TTC28: variants seen among roughly 807,000 people sequenced by gnomAD.
TTC28 encodes the protein tetratricopeptide repeat domain 28.
A neutral mutation model predicts 198.0 loss-of-function variants in TTC28; 61 were observed. The observed-to-expected ratio is 0.31, with a 90% CI of 0.25 to 0.38. The LOEUF (loss-of-function observed/expected upper bound fraction) is 0.38, where lower values mean the gene tolerates loss of function less well. Ranked by LOEUF, TTC28 falls within the 10% of genes least tolerant of loss-of-function variation. TTC28 has a pLI of 1.00. For synonymous variants in TTC28, 1,171 were observed against 1,297.8 expected, an observed-to-expected ratio of 0.90 and a Z score of 2.10; for missense variants, 2,678 against 3,164.0, an observed-to-expected ratio of 0.85 and a Z score of 3.69.
At chr22:28,394,728 C>T (rs945363640) in intron 2 of TTC28, among the ~76,000 whole-genome samples, 2 of 152,174 alleles carry the variant, frequency 1.3e-5, no homozygotes, top group African/African-American at 4.8e-5. Context: ...GGCTACTGCC[C>T]AGTCTCCATA....
At chr22:28,168,180 C>T (rs980965603) in intron 5 of TTC28, among the ~76,000 whole-genome samples, 1 of 152,030 alleles carries the variant, frequency 6.6e-6, no homozygotes, top group Non-Finnish European at 1.5e-5. Flanking sequence ...GAGGGCACAA[C>T]CAAATGCAAG....
intron 1 of TTC28, among the ~76,000 whole-genome samples, chr22:28,633,694 A>C (rs1306776153): frequency 6.6e-6 from 1 of 152,230 alleles, no homozygotes; most frequent in African/African-American, 2.4e-5. Context: ...TCAAATTAAG[A>C]AGAGAAATCA....
intron 12 of TTC28, among the ~76,000 whole-genome samples, chr22:28,038,944 G>A (rs1223955601): frequency 1.3e-5 from 2 of 152,196 alleles, no homozygotes; most frequent in East Asian, 1.9e-4. Context: ...GGCCATCAGA[G>A]AAATGCAAAT....
Position 28,629,007 on chromosome 22 carries a change from T to C in TTC28, c.381+545A>G, listed in dbSNP as rs561334038. Among the ~76,000 whole-genome samples, 6 of 150,600 alleles carry C rather than the reference T, an allele frequency of 4.0e-5. No individual in the cohort carries two copies. The South Asian group carries it at 1.3e-3, about 32-fold the overall frequency. On this transcript the variant is annotated intron_variant, in intron 2 of 22. Transcript: ENST00000397906. ...AATTGTTTCTAAAAGAAACTAGGGG[T>C]TAGGTTAGGAGTATGCACACTGAAA...
At chr22:28,103,434 T>C (rs541161750) in intron 8 of TTC28, among the ~76,000 whole-genome samples, 2 of 152,290 alleles carry the variant, frequency 1.3e-5, no homozygotes, top group African/African-American at 4.8e-5. Context: ...GATGCTGATC[T>C]ACAAGGCCCC....
intron 1 of TTC28, among the ~76,000 whole-genome samples, chr22:28,639,045 T>G (rs2051319662): frequency 6.6e-6 from 1 of 152,218 alleles, no homozygotes; most frequent in South Asian, 2.1e-4. Context: ...CTAGAAATTT[T>G]CTCCACTTCT....
In TTC28 at chr22:27,982,404, A is replaced by T; in HGVS notation, c.7263T>A (p.His2421Gln). Reference protein sequence around the residue: ...LELKELSLQQHDGAPPKAPPN... With the variant: ...LELKELSLQQQDGAPPKAPPN... ...GAGGGGCTTTCGGTGGAGCTCCGTC[A>T]TGCTGCTGCAGGGACAGCTCCTTCA... The change falls in exon 23 of 23, where the codon CAT becomes CAA. Residue 2421 changes from histidine to glutamine, a missense_variant. Transcript: ENST00000397906. The surrounding 1 kb of genome is among the most constrained non-coding windows in gnomAD (Gnocchi z 5.2). The T allele has an allele frequency of 6.4e-7, 1 of 1,551,364 alleles. No individual in the cohort carries two copies. The highest frequency in any genetic ancestry group is 8.7e-7 in the Non-Finnish European group (1 of 1,146,934).
chr22:28,506,860 AAAC>A (rs1374048622), intron 2 of TTC28, among the ~76,000 whole-genome samples: 1 of 152,226 alleles, frequency 6.6e-6, no homozygotes, highest in African/African-American at 2.4e-5. Context: ...AACAAACAGA[AAAC>A]AACAACATCA....
intron 2 of TTC28, among the ~76,000 whole-genome samples, chr22:28,401,569 C>T (rs146400906): frequency 8.6e-5 from 13 of 152,030 alleles, no homozygotes; most frequent in African/African-American, 3.1e-4. Flanking sequence ...GAGCTGAGAT[C>T]GCACCACTGT....
chr22:28,089,540 G>C (rs1162496297), intron 12 of TTC28, among the ~76,000 whole-genome samples: 1 of 151,364 alleles, frequency 6.6e-6, no homozygotes. Context: ...GGGAGGGATA[G>C]CATTAGGAGA....
chr22:28,034,014 C>T (rs561307610), intron 12 of TTC28, among the ~76,000 whole-genome samples: 1 of 152,130 alleles, frequency 6.6e-6, no homozygotes, highest in Admixed American at 6.5e-5. Context: ...GCAGGGGAGA[C>T]AGCAAGAAAA....
intron 2 of TTC28, among the ~76,000 whole-genome samples, chr22:28,472,552 A>ATG (rs3053555): frequency 0.088 from 10,036 of 114,642 alleles, 476 homozygotes; most frequent in East Asian, 0.15. Context: ...GAAAATGTGT[A>ATG]TGTGTGTGTG....
chr22:28,325,881 CTT>C (rs900754163), intron 2 of TTC28, among the ~76,000 whole-genome samples: 1 of 152,076 alleles, frequency 6.6e-6, no homozygotes, highest in Non-Finnish European at 1.5e-5. Context: ...ACCTGAAACT[CTT>C]ATATATTGCT....
chr22:28,296,443 C>T (rs1434659424), intron 4 of TTC28, 115 bp from the exon 5 acceptor site: 10 of 944,074 alleles, frequency 1.1e-5, no homozygotes, highest in South Asian at 9.4e-5. Flanking sequence ...TAAGATTTCA[C>T]TTATCTTCTA....
intron 2 of TTC28, among the ~76,000 whole-genome samples, chr22:28,464,640 ATCT>A (rs1349247119): frequency 2.6e-5 from 4 of 152,200 alleles, no homozygotes; most frequent in African/African-American, 4.8e-5. Context: ...TAAGAGCTGA[ATCT>A]TCTTTAGAAC....
intron 5 of TTC28, among the ~76,000 whole-genome samples, chr22:28,244,906 C>T (rs1173425140): frequency 6.6e-6 from 1 of 152,208 alleles, no homozygotes; most frequent in African/African-American, 2.4e-5. Context: ...AGTGATCTAG[C>T]TGGCCATCCA....
chr22:28,336,567 G>T (rs886833397), intron 2 of TTC28, among the ~76,000 whole-genome samples: 1 of 152,080 alleles, frequency 6.6e-6, no homozygotes, highest in East Asian at 1.9e-4. Context: ...TTAGTCTTGG[G>T]AGGGTGTATG....
chr22:28,590,362 C>T (rs1480345533), intron 2 of TTC28, among the ~76,000 whole-genome samples: 2 of 151,956 alleles, frequency 1.3e-5, no homozygotes, highest in Non-Finnish European at 2.9e-5. Context: ...ATCTCCTGAC[C>T]TTGTGATCCG....
At chr22:28,294,041 G>A (rs934797013) in intron 5 of TTC28, among the ~76,000 whole-genome samples, 2 of 152,110 alleles carry the variant, frequency 1.3e-5, no homozygotes, top group African/African-American at 4.8e-5. Context: ...GTGGTAGCTG[G>A]ACATACTCTC....
Sources: allele counts gnomAD v4.1 joint callset (sites outside exome capture counted in the v4.1 genomes callset), GRCh38; gene constraint gnomAD v4.1.1; non-coding constraint Gnocchi (gnomAD v3.1); transcripts MANE v1.5; gene names NCBI Gene and HGNC (gene_info 2026-07-23, HGNC 2026-07-21).